Variants in EXOC6B observed in about 807,000 individuals in gnomAD.
EXOC6B encodes the protein SEC15 homolog B.
EXOC6B carries 54 observed loss-of-function variants against 113.5 expected under a neutral mutation model. The ratio of observed to expected loss-of-function variants is 0.48; its 90% confidence interval spans 0.38 to 0.60. The LOEUF (loss-of-function observed/expected upper bound fraction) is 0.60. Among genes scored for constraint, EXOC6B ranks in the 20% least tolerant of loss-of-function variants. The pLI is 0.00. For synonymous variants in EXOC6B, 357 were observed against 339.0 expected (o/e 1.05, Z -0.58); for missense variants, 797 against 977.5 (o/e 0.82, Z 2.46).
In EXOC6B at chr2:72,825,759, C is replaced by A; in HGVS notation, c.113+39G>T. 1 of 1,596,920 alleles carries A rather than the reference C, an allele frequency of 6.3e-7. No individual in the cohort carries two copies. The highest frequency in any genetic ancestry group is 8.5e-7 in the Non-Finnish European group (1 of 1,173,358). On this transcript the variant is annotated intron_variant, in intron 1 of 21. Coordinates refer to ENST00000272427, the MANE Select transcript of EXOC6B (RefSeq NM_015189.3). This position sits in a 1 kb window ranked among gnomAD's most constrained non-coding sequence, Gnocchi z 4.4. ...ACCCAGAGGAGCCTGCCCCGTCCCG[C>A]CCGTTCCCGCCCCTCTGTGGTCCCG...
chr2:72,447,059 G>A (rs1696624372), intron 18 of EXOC6B, among the ~76,000 whole-genome samples: 1 of 150,990 alleles, frequency 6.6e-6, no homozygotes. Flanking sequence ...AGCTGAAATC[G>A]CACCACTGCA....
intron 6 of EXOC6B, among the ~76,000 whole-genome samples, chr2:72,664,581 A>G (rs541108680): frequency 6.6e-6 from 1 of 152,284 alleles, no homozygotes; most frequent in East Asian, 1.9e-4. Flanking sequence ...TGCACAGAGC[A>G]GCTGCAGCAA....
chr2:72,400,772 T>A (rs948497549), intron 18 of EXOC6B, among the ~76,000 whole-genome samples: 12 of 151,484 alleles, frequency 7.9e-5, no homozygotes, highest in African/African-American at 2.9e-4. Flanking sequence ...ATAACTATTA[T>A]TAAAAAGCCA....
At chr2:72,817,695 A>G (rs1168599670) in intron 1 of EXOC6B, among the ~76,000 whole-genome samples, 1 of 152,210 alleles carries the variant, frequency 6.6e-6, no homozygotes, top group African/African-American at 2.4e-5. Flanking sequence ...CTATCCCAAT[A>G]ATTGGCATCA....
intron 11 of EXOC6B, among the ~76,000 whole-genome samples, chr2:72,507,046 G>C (rs1700631826): frequency 6.6e-6 from 1 of 151,908 alleles, no homozygotes; most frequent in African/African-American, 2.4e-5. Flanking sequence ...CACTGAGAAT[G>C]TTGCACATAT....
intron 18 of EXOC6B, among the ~76,000 whole-genome samples, chr2:72,385,933 A>G (rs185842598): frequency 2.1e-3 from 327 of 152,282 alleles, no homozygotes; most frequent in Non-Finnish European, 1.7e-3. Context: ...TAGTATAGCT[A>G]CTATTGAAAA....
At chr2:72,320,125 A>G (rs1687764841) in intron 20 of EXOC6B, among the ~76,000 whole-genome samples, 1 of 150,840 alleles carries the variant, frequency 6.6e-6, no homozygotes. Context: ...GTGAGCCACC[A>G]CTCCCAGCCA....
chr2:72,344,162 T>C (rs1689183445), intron 19 of EXOC6B, among the ~76,000 whole-genome samples: 1 of 152,192 alleles, frequency 6.6e-6, no homozygotes, highest in Admixed American at 6.5e-5. Context: ...CTCCATTGTC[T>C]TCTCTTCCCA....
At chr2:72,512,413 A>G (rs1207969270) in intron 11 of EXOC6B, among the ~76,000 whole-genome samples, 24 of 117,118 alleles carry the variant, frequency 2.0e-4, no homozygotes, top group African/African-American at 7.7e-4. Flanking sequence ...GGAAGGAAGG[A>G]AGGAAGGAAG....
At chr2:72,802,175 A>G (rs921416136) in intron 1 of EXOC6B, among the ~76,000 whole-genome samples, 3 of 152,042 alleles carry the variant, frequency 2.0e-5, no homozygotes, top group Non-Finnish European at 4.4e-5. Context: ...CTACAAAAAA[A>G]ATAGCCGGGC....
intron 21 of EXOC6B, among the ~76,000 whole-genome samples, chr2:72,181,383 G>A (rs970042575): frequency 3.9e-5 from 6 of 152,124 alleles, no homozygotes; most frequent in African/African-American, 1.2e-4. Context: ...GAGAAAGCAC[G>A]AGGGTCCTTA....
intron 6 of EXOC6B, among the ~76,000 whole-genome samples, chr2:72,651,799 G>GTTATCCAGGGTGGTCTCA (rs1441551666): frequency 6.6e-6 from 1 of 152,114 alleles, no homozygotes; most frequent in South Asian, 2.1e-4. Context: ...GTTTCACTGT[G>GTTATCCAGGGTGGTCTCA]TTATCCAGGG....
chr2:72,379,852 C>A lies in EXOC6B; in HGVS notation c.1999G>T (p.Ala667Ser). Residue 667 changes from alanine to serine, a missense_variant, in exon 19 of 22, where the codon GCG becomes TCG. Physicochemically the swap from Ala to Ser is moderately conservative, Grantham distance 99 (BLOSUM62 1). Transcript: ENST00000272427. The stretch of plus-strand genomic sequence containing the variant: ...AAATGCTTGCAAGCTGACATACACG[C>A]TGTCTGGGCCACCTTTCCCTGAAAC... ...THLPGKVAQT[A>S]CMSACKHLAT... 6.2e-7 allele frequency: 1 copy of A among 1,610,382 alleles called. No homozygotes were observed. Among genetic ancestry groups the A allele is most frequent in the Non-Finnish European group, 8.5e-7 (1 of 1,178,132 alleles).
chr2:72,629,542 T>C (rs1023257148), intron 6 of EXOC6B, among the ~76,000 whole-genome samples: 1 of 152,204 alleles, frequency 6.6e-6, no homozygotes, highest in Non-Finnish European at 1.5e-5. Context: ...AGCATACTCT[T>C]TAACATTTTG....
intron 6 of EXOC6B, among the ~76,000 whole-genome samples, chr2:72,685,109 G>T (rs1186574033): frequency 6.6e-6 from 1 of 151,948 alleles, no homozygotes; most frequent in Non-Finnish European, 1.5e-5. Flanking sequence ...ATGGGTTGAT[G>T]GATAATAGAT....
At chr2:72,688,143 C>G (rs1473536294) in intron 6 of EXOC6B, among the ~76,000 whole-genome samples, 6 of 152,132 alleles carry the variant, frequency 3.9e-5, no homozygotes, top group Admixed American at 3.9e-4. Flanking sequence ...ATTAAGTATC[C>G]TATGTCTTGG....
chr2:72,710,548 A>G (rs911856153), intron 6 of EXOC6B, among the ~76,000 whole-genome samples: 1 of 152,174 alleles, frequency 6.6e-6, no homozygotes, highest in Admixed American at 6.6e-5. Flanking sequence ...AAAGAAAGTA[A>G]ATCCAGGAAC....
chr2:72,641,006 C>G (rs1037719095), intron 6 of EXOC6B, among the ~76,000 whole-genome samples: 3 of 152,206 alleles, frequency 2.0e-5, no homozygotes, highest in Non-Finnish European at 2.9e-5. Context: ...CACTTAGATT[C>G]CCACACAATA....
At chr2:72,487,545 G>A (rs1328282087) in intron 16 of EXOC6B, among the ~76,000 whole-genome samples, 3 of 152,042 alleles carry the variant, frequency 2.0e-5, no homozygotes, top group Non-Finnish European at 4.4e-5. Flanking sequence ...ATTTTTAGTA[G>A]AGACGGGGTT....
Sources: allele counts gnomAD v4.1 joint callset (sites outside exome capture counted in the v4.1 genomes callset), GRCh38; gene constraint gnomAD v4.1.1; non-coding constraint Gnocchi (gnomAD v3.1); transcripts MANE v1.5; gene names NCBI Gene and HGNC (gene_info 2026-07-23, HGNC 2026-07-21).